LDB2: variants seen among roughly 807,000 people sequenced by gnomAD.
The protein encoded by LDB2 is LIM domain-binding protein 2.
A neutral mutation model predicts 44.3 loss-of-function variants in LDB2; 12 were observed. The ratio of observed to expected loss-of-function variants is 0.27; its 90% CI spans 0.17 to 0.44. The LOEUF (loss-of-function observed/expected upper bound fraction) is 0.44, where lower values mean the gene tolerates loss of function less well. LDB2 is among the 20% of genes least tolerant of loss of function. The pLI is 1.00. For missense variants in LDB2, 344 were observed against 473.5 expected, an observed-to-expected ratio of 0.73 and a Z score of 2.54; for synonymous variants, 164 against 174.8, an observed-to-expected ratio of 0.94 and a Z score of 0.49.
At chr4:16,811,987 T>C (rs1008610844) in intron 1 of LDB2, among the ~76,000 whole-genome samples, 4 of 152,236 alleles carry the variant, frequency 2.6e-5, no homozygotes, top group Admixed American at 6.5e-5. Context: ...TCCTGCCCCA[T>C]CAAATCTTTA....
chr4:16,898,243 G>T, intron 1 of LDB2, 111 bp downstream of exon 1: 1 of 1,040,876 alleles, frequency 9.6e-7, no homozygotes, highest in Non-Finnish European at 1.4e-6. Flanking sequence ...CCACGTACGT[G>T]GTAGTATCAA....
chr4:16,881,527 C>T (rs188729413), intron 1 of LDB2, among the ~76,000 whole-genome samples: 5 of 151,406 alleles, frequency 3.3e-5, no homozygotes, highest in Admixed American at 3.3e-4. Flanking sequence ...GATTTCTAAC[C>T]ATTCAAGGCT....
At chr4:16,858,209 A>C (rs958505202) in intron 1 of LDB2, among the ~76,000 whole-genome samples, 1 of 152,230 alleles carries the variant, frequency 6.6e-6, no homozygotes, top group Non-Finnish European at 1.5e-5. Flanking sequence ...CATAGAAAGG[A>C]TGAGTCACTT....
chr4:16,724,572 A>G (rs1414385898), intron 2 of LDB2, among the ~76,000 whole-genome samples: 2 of 152,020 alleles, frequency 1.3e-5, no homozygotes, highest in African/African-American at 2.4e-5. Context: ...TAACTGGGCT[A>G]TGGTAAATCT....
At chr4:16,619,399 T>C (rs148473001) in intron 2 of LDB2, among the ~76,000 whole-genome samples, 8 of 152,270 alleles carry the variant, frequency 5.3e-5, no homozygotes, top group African/African-American at 1.9e-4. Flanking sequence ...AGGACTGCAT[T>C]GATGCCATGT....
chr4:16,731,875 T>C (rs1760840983), intron 2 of LDB2, among the ~76,000 whole-genome samples: 2 of 152,042 alleles, frequency 1.3e-5, no homozygotes, highest in Non-Finnish European at 2.9e-5. Context: ...AAGCAGTAAC[T>C]ACAAAAAAGC....
intron 5 of LDB2, among the ~76,000 whole-genome samples, chr4:16,580,122 GT>G (rs1161880454): frequency 3.3e-5 from 5 of 152,308 alleles, no homozygotes; most frequent in Admixed American, 3.3e-4. Context: ...GAGTCATGCT[GT>G]GCAAAGGCAT....
At chr4:16,514,174 G>GAATC (rs1722815442) in intron 5 of LDB2, among the ~76,000 whole-genome samples, 1 of 152,140 alleles carries the variant, frequency 6.6e-6, no homozygotes, top group Non-Finnish European at 1.5e-5. Flanking sequence ...ACATAAAAAT[G>GAATC]AATCATTTTT....
At chr4:16,834,298 T>A (rs1370449870) in intron 1 of LDB2, among the ~76,000 whole-genome samples, 1 of 152,224 alleles carries the variant, frequency 6.6e-6, no homozygotes, top group Non-Finnish European at 1.5e-5. Flanking sequence ...GTCTGCAATA[T>A]GCTTTGGGAA....
intron 2 of LDB2, among the ~76,000 whole-genome samples, chr4:16,642,833 G>A (rs1735588022): frequency 6.6e-6 from 1 of 152,166 alleles, no homozygotes. Flanking sequence ...ATAGACATTG[G>A]ACAAATAAAT....
At chr4:16,543,915 A>C (rs1734780234) in intron 5 of LDB2, among the ~76,000 whole-genome samples, 2 of 152,226 alleles carry the variant, frequency 1.3e-5, no homozygotes, top group South Asian at 4.1e-4. Context: ...ACAAATTTAC[A>C]AGAAAAAAAT....
chr4:16,797,324 T>C, intron 1 of LDB2, among the ~76,000 whole-genome samples: 1 of 152,164 alleles, frequency 6.6e-6, no homozygotes, highest in Non-Finnish European at 1.5e-5. Flanking sequence ...ATTGGTTCAT[T>C]AGTTTTGACA....
At chr4:16,627,331 C>G (rs986639291) in intron 2 of LDB2, among the ~76,000 whole-genome samples, 2 of 152,138 alleles carry the variant, frequency 1.3e-5, no homozygotes, top group Non-Finnish European at 2.9e-5. Flanking sequence ...TGCTTCTGTT[C>G]TTTTCCAGTT....
At chr4:16,739,135 T>C (rs1160703441) in intron 2 of LDB2, among the ~76,000 whole-genome samples, 1 of 152,160 alleles carries the variant, frequency 6.6e-6, no homozygotes, top group Admixed American at 6.5e-5. Flanking sequence ...CCCCAAATCA[T>C]CTTCCTTTAA....
At chr4:16,701,969 A>G (rs157622) in intron 2 of LDB2, among the ~76,000 whole-genome samples, 53,032 of 152,082 alleles carry the variant, frequency 0.35, 10,196 homozygotes, top group East Asian at 0.66. Context: ...TACTGTGGCT[A>G]CTACTATTGC....
intron 5 of LDB2, among the ~76,000 whole-genome samples, chr4:16,525,337 A>G (rs949212082): frequency 2.0e-5 from 3 of 152,218 alleles, no homozygotes; most frequent in African/African-American, 4.8e-5. Context: ...AGCTTCTACC[A>G]GGCAACAGCT....
At chr4:16,535,281 T>G (rs1206056885) in intron 5 of LDB2, among the ~76,000 whole-genome samples, 1 of 152,124 alleles carries the variant, frequency 6.6e-6, no homozygotes, top group African/African-American at 2.4e-5. Flanking sequence ...TAGGAAGACA[T>G]GCGTAATGGT....
chr4:16,870,748 T>C (rs979933889), intron 1 of LDB2, among the ~76,000 whole-genome samples: 9 of 152,280 alleles, frequency 5.9e-5, no homozygotes, highest in Non-Finnish European at 5.9e-5. Context: ...TTCTCCTGCC[T>C]CAGCCTCCCA....
intron 2 of LDB2, among the ~76,000 whole-genome samples, chr4:16,606,525 C>T (rs1391658451): frequency 6.6e-6 from 1 of 152,176 alleles, no homozygotes; most frequent in Admixed American, 6.5e-5. Context: ...GATCATAAAG[C>T]ATGTCCCTCA....
Sources: gnomAD v4.1 joint callset for allele counts (sites outside exome capture counted in the v4.1 genomes callset) on GRCh38, gnomAD v4.1.1 for gene constraint, MANE v1.5 for transcripts, NCBI Gene and HGNC (gene_info 2026-07-23, HGNC 2026-07-21) for gene names.